The following PSME4 variants were observed in gnomAD, a reference collection of about 807,000 sequenced individuals.
PSME4 encodes the protein proteasome activator subunit 4.
Under a neutral mutation model 253.9 loss-of-function variants are expected in PSME4, and 89 were observed. The ratio of observed to expected loss-of-function variants is 0.35; its 90% CI spans 0.30 to 0.42. The LOEUF is 0.42. Ranked by LOEUF, PSME4 falls within the 10% of genes least tolerant of loss-of-function variation. The pLI, the probability that PSME4 is intolerant of heterozygous loss-of-function variation, is 1.00. For synonymous variants in PSME4, 851 were observed against 759.2 expected (o/e 1.12, Z -1.99); for missense variants, 2,014 against 2,195.2 (o/e 0.92, Z 1.65).
chr2:53,903,618 T>C (rs1680512454), intron 27 of PSME4, among the ~76,000 whole-genome samples: 1 of 152,154 alleles, frequency 6.6e-6, no homozygotes, highest in Non-Finnish European at 1.5e-5. Context: ...ACACTGGTCA[T>C]ACTACTCTAA....
At chr2:53,963,813 T>C (rs1419667727) in intron 1 of PSME4, among the ~76,000 whole-genome samples, 1 of 152,178 alleles carries the variant, frequency 6.6e-6, no homozygotes, top group Non-Finnish European at 1.5e-5. Flanking sequence ...TTTTAGGTTT[T>C]ATAATAGTAT....
intron 1 of PSME4, among the ~76,000 whole-genome samples, chr2:53,951,956 G>A (rs1461797559): frequency 6.6e-6 from 1 of 152,170 alleles, no homozygotes; most frequent in African/African-American, 2.4e-5. Flanking sequence ...TAAGCATAAT[G>A]ATAGAGCCTT....
chr2:53,949,252 T>C lies in PSME4; in HGVS notation c.274A>G (p.Lys92Glu), dbSNP rs1669861391. The change falls in exon 2 of 47, where the codon AAA (lysine) becomes GAA (glutamate). Residue 92 changes from lysine to glutamate, a missense_variant. Physicochemically the swap from Lys to Glu is moderately conservative, Grantham distance 56. Transcript: ENST00000404125. ...TTAATAAAAAGAACATGATCTTCTT[T>C]GCTAAATTTTCTCCCATAAAGTCGA... ...YIRLYGRKFS[K>E]EDHVLFIKLL... is the part of the protein sequence containing the mutation. The C allele has an allele frequency of 6.2e-7, 1 of 1,605,336 alleles. No homozygotes were observed. Among genetic ancestry groups the C allele is most frequent in the Non-Finnish European group, 8.5e-7 (1 of 1,176,346 alleles).
intron 3 of PSME4, among the ~76,000 whole-genome samples, chr2:53,946,144 A>G (rs1353068951): frequency 6.6e-6 from 1 of 152,232 alleles, no homozygotes; most frequent in Non-Finnish European, 1.5e-5. Flanking sequence ...AAAGCCATAG[A>G]TACTTATTAA....
chr2:53,936,690 A>T, intron 6 of PSME4, 74 bp downstream of exon 6: 1 of 1,102,586 alleles, frequency 9.1e-7, no homozygotes, highest in South Asian at 1.8e-5. Flanking sequence ...TTTATCTCCA[A>T]ATTAAAAAAG....
rs1408788250 is a variant in PSME4, at chr2:53,937,469, G to A, written c.617C>T (p.Thr206Ile). 6.2e-7 allele frequency: 1 copy of A among 1,610,236 alleles called. No homozygotes were observed. The highest frequency in any genetic ancestry group is 2.2e-5 in the East Asian group (1 of 44,840). ...WRPLMCPFDVTMQKAITYFEI... is the reference protein window; with the variant it reads ...WRPLMCPFDVIMQKAITYFEI... Reference sequence around the variant, plus strand: ...AAAATAAGTGATGGCCTTTTGCATGGTTACATCAAAAGGGCACATTAAAGG... The same window carrying A: ...AAAATAAGTGATGGCCTTTTGCATGATTACATCAAAAGGGCACATTAAAGG... Residue 206 changes from threonine (T) to isoleucine (I), a missense_variant, in exon 5 of 47, where the codon ACC becomes ATC. Thr to Ile is a moderately conservative substitution (Grantham distance 89). Around this residue, in one of 4 missense-constraint regions of PSME4, gnomAD observed 615 missense variants for 594.4 expected, o/e 1.03. Transcript: ENST00000404125.
At chr2:53,939,454 G>C (rs1290127185) in intron 4 of PSME4, among the ~76,000 whole-genome samples, 1 of 152,130 alleles carries the variant, frequency 6.6e-6, no homozygotes, top group Non-Finnish European at 1.5e-5. Flanking sequence ...GGCTGGGAGT[G>C]GTGGCTCACA....
chr2:53,933,723 CTG>C (rs1488470184), intron 8 of PSME4, among the ~76,000 whole-genome samples: 1 of 152,218 alleles, frequency 6.6e-6, no homozygotes, highest in African/African-American at 2.4e-5. Flanking sequence ...CCAATGAGAA[CTG>C]TGTGAGAAAG....
intron 29 of PSME4, 35 bp downstream of exon 29, chr2:53,899,846 A>T (rs1172041050): frequency 6.2e-7 from 1 of 1,606,350 alleles, no homozygotes; most frequent in Non-Finnish European, 8.5e-7. Context: ...ACTATCTATA[A>T]TGTCATCTAT....
chr2:53,886,762 A>T (rs1558652902), intron 40 of PSME4, among the ~76,000 whole-genome samples: 1 of 152,252 alleles, frequency 6.6e-6, no homozygotes, highest in Non-Finnish European at 1.5e-5. Flanking sequence ...ATCAATGTTC[A>T]GAGCAGCATT....
At chr2:53,915,552 T>C (rs1668020295) in intron 20 of PSME4, among the ~76,000 whole-genome samples, 1 of 151,946 alleles carries the variant, frequency 6.6e-6, no homozygotes, top group South Asian at 2.1e-4. Flanking sequence ...TAGTGAGACC[T>C]TGTCTCTCTA....
At chr2:53,894,769 G>T (rs530959837) in intron 34 of PSME4, among the ~76,000 whole-genome samples, 4 of 152,130 alleles carry the variant, frequency 2.6e-5, no homozygotes, top group African/African-American at 9.7e-5. Context: ...AGTAGCCAAC[G>T]GAGGGCTGAA....
At chr2:53,888,191 C>T (rs1679729529) in intron 38 of PSME4, 1 of 422,676 alleles carries the variant, frequency 2.4e-6, no homozygotes. Context: ...TGCATTTCAT[C>T]CACACTACTA....
rs368413855 is a variant in PSME4 at position 53,908,764 on chromosome 2, A to G, written c.2629+20T>C. 68 of 1,565,612 alleles carry G rather than the reference A, an allele frequency of 4.3e-5. No individual in the cohort carries two copies. In the African/African-American group the frequency reaches 8.9e-4, roughly 20 times the overall value. On this transcript the variant is annotated intron_variant, in intron 22 of 46. Coordinates refer to ENST00000404125, the MANE Select transcript of PSME4 (RefSeq NM_014614.3). ...ACTTATTCCAAAGTACAAATAAGTT[A>G]AATGTACAGATACACTTACTAAGAA...
chr2:53,868,434 A>G (rs1404829161), intron 44 of PSME4, among the ~76,000 whole-genome samples: 2 of 148,518 alleles, frequency 1.3e-5, no homozygotes, highest in Non-Finnish European at 3.0e-5. Context: ...CCTGGGTGAC[A>G]GTGGAAGATC....
intron 5 of PSME4, among the ~76,000 whole-genome samples, chr2:53,937,097 T>G (rs988694429): frequency 6.6e-6 from 1 of 152,172 alleles, no homozygotes; most frequent in East Asian, 1.9e-4. Flanking sequence ...TGTTTTCAAT[T>G]TTCTACCTCC....
chr2:53,927,714 AGGCGG>A (rs1412978990), intron 11 of PSME4, among the ~76,000 whole-genome samples: 1 of 152,170 alleles, frequency 6.6e-6, no homozygotes, highest in African/African-American at 2.4e-5. Flanking sequence ...TGGGAGGCTG[AGGCGG>A]GTGGATCACT....
intron 20 of PSME4, among the ~76,000 whole-genome samples, chr2:53,912,786 T>G (rs1214179824): frequency 6.6e-6 from 1 of 152,198 alleles, no homozygotes; most frequent in Non-Finnish European, 1.5e-5. Context: ...TTTAGAAGAT[T>G]TTTTACTAAA....
In PSME4 at chr2:53,887,861, C is replaced by T; in HGVS notation, c.4517G>A (p.Gly1506Glu). 4 of 1,595,786 alleles carry T rather than the reference C, an allele frequency of 2.5e-6. No homozygotes were observed. Among genetic ancestry groups the T allele is most frequent in the Non-Finnish European group, 3.4e-6 (4 of 1,163,922 alleles). Residue 1506 changes from glycine (G) to glutamate (E), a missense_variant, in exon 39 of 47, where the codon GGA (glycine) becomes GAA (glutamate). Physicochemically the swap from Gly to Glu is moderately conservative, Grantham distance 98. Coordinates refer to ENST00000404125, the MANE Select transcript of PSME4 (RefSeq NM_014614.3). ...CCACAGAGAAAACAGTACCTACCTT[C>T]CTATTCTTTCTCTGACATTTTTGTA... is the stretch of plus-strand genomic sequence containing the variant. Reference protein sequence around the residue: ...QVYKNVRERIGSVLTYIFMID... With the variant: ...QVYKNVRERIESVLTYIFMID...
Sources: gnomAD v4.1 joint callset for allele counts (sites outside exome capture counted in the v4.1 genomes callset) on GRCh38, gnomAD v4.1.1 for gene constraint, gnomAD v4.1.1 regional missense constraint, MANE v1.5 for transcripts, NCBI Gene and HGNC (gene_info 2026-07-23, HGNC 2026-07-21) for gene names.